IGSF11: variants seen among roughly 807,000 people sequenced by gnomAD.
IGSF11 encodes the protein CXADR like 1.
A neutral mutation model predicts 41.0 loss-of-function variants in IGSF11; 22 were observed. The observed-to-expected ratio is 0.54, with a 90% CI of 0.38 to 0.77. The LOEUF is 0.77. Among genes scored for constraint, IGSF11 ranks in the 30% least tolerant of loss-of-function variants. IGSF11 has a pLI of 0.00. For synonymous variants in IGSF11, 219 were observed against 201.3 expected (o/e 1.09, Z -0.74); for missense variants, 444 against 530.8 (o/e 0.84, Z 1.61).
intron 1 of IGSF11, among the ~76,000 whole-genome samples, chr3:119,128,324 C>T (rs180715234): frequency 2.5e-4 from 38 of 151,534 alleles, no homozygotes; most frequent in African/African-American, 9.2e-4. Flanking sequence ...TGACACTGCA[C>T]TCCAGCCTGG....
intron 1 of IGSF11, among the ~76,000 whole-genome samples, chr3:118,992,106 G>T (rs1356065832): frequency 6.6e-6 from 1 of 152,228 alleles, no homozygotes; most frequent in Non-Finnish European, 1.5e-5. Flanking sequence ...ATGGAAATCA[G>T]TACTTTCCAG....
At chr3:119,034,847 A>C (rs1940793576), upstream of IGSF11, 1 of 1,223,122 alleles carries the variant, frequency 8.2e-7, no homozygotes, top group Admixed American at 4.3e-5. Context: ...CCCCAGGACT[A>C]GCCGACCCCT....
At position 119,004,201 on chromosome 3, in the gene IGSF11, T is replaced by C. The variant is rs1031136003; in HGVS notation, c.52+30330A>G. Reference sequence around the variant, plus strand: ...CCTGGTTTAGTCTTGGGAGAGTGTATGTGTCGAGGAATGTATCCATTTCTT... The same window carrying C: ...CCTGGTTTAGTCTTGGGAGAGTGTACGTGTCGAGGAATGTATCCATTTCTT... On this transcript the variant is annotated intron_variant, in intron 1 of 6. Coordinates refer to ENST00000393775, the MANE Select transcript of IGSF11 (RefSeq NM_001015887.3). Among the ~76,000 whole-genome samples the C allele has an allele frequency of 1.0e-4, 15 of 150,442 alleles. 1 individual carries two copies. Among genetic ancestry groups the C allele is most frequent in the South Asian group, 6.5e-4 (3 of 4,640 alleles).
chr3:119,064,772 T>C (rs1373141148), intron 1 of IGSF11, among the ~76,000 whole-genome samples: 1 of 152,136 alleles, frequency 6.6e-6, no homozygotes, highest in Non-Finnish European at 1.5e-5. Flanking sequence ...GTGACATTCT[T>C]TGATGTAATT....
chr3:118,933,489 T>TATATATATATAC (rs561820742), intron 1 of IGSF11, among the ~76,000 whole-genome samples: 66 of 148,794 alleles, frequency 4.4e-4, no homozygotes, highest in Admixed American at 2.2e-3. Flanking sequence ...TATATATATA[T>TATATATATATAC]ACACACACAC....
chr3:119,045,900 C>G (rs6797112), intron 1 of IGSF11, among the ~76,000 whole-genome samples: 22,948 of 148,848 alleles, frequency 0.15, 538 homozygotes, highest in African/African-American at 0.25. Context: ...ACCTCACACT[C>G]CAGGGTACTC....
chr3:119,114,612 A>T (rs2077230995), intron 1 of IGSF11, among the ~76,000 whole-genome samples: 1 of 152,154 alleles, frequency 6.6e-6, no homozygotes, highest in Non-Finnish European at 1.5e-5. Context: ...TTTCACTATC[A>T]GCATTTTGGT....
intron 1 of IGSF11, among the ~76,000 whole-genome samples, chr3:119,065,739 G>A (rs1385621630): frequency 7.3e-6 from 1 of 136,696 alleles, no homozygotes; most frequent in Non-Finnish European, 1.5e-5. Context: ...GTTGCAGTGA[G>A]CCAACATCGC....
intron 4 of IGSF11, among the ~76,000 whole-genome samples, chr3:118,923,983 G>T (rs1942071252): frequency 6.6e-6 from 1 of 152,040 alleles, no homozygotes; most frequent in South Asian, 2.1e-4. Flanking sequence ...GACATACTTT[G>T]TAACTAAATA....
chr3:119,067,234 C>T (rs141003537), intron 1 of IGSF11, among the ~76,000 whole-genome samples: 1 of 152,306 alleles, frequency 6.6e-6, no homozygotes, highest in East Asian at 1.9e-4. Context: ...TTACCTCAAT[C>T]CAATTACGGA....
intron 1 of IGSF11, among the ~76,000 whole-genome samples, chr3:119,019,859 C>A (rs538683197): frequency 6.6e-6 from 1 of 152,162 alleles, no homozygotes; most frequent in East Asian, 1.9e-4. Context: ...GTTTGTATAC[C>A]CCACAAAATT....
intron 1 of IGSF11, among the ~76,000 whole-genome samples, chr3:119,045,462 G>A (rs1002099992): frequency 6.6e-6 from 1 of 152,206 alleles, no homozygotes; most frequent in Non-Finnish European, 1.5e-5. Context: ...CGCACCATGA[G>A]ATTATATCCC....
At chr3:119,031,084 C>T (rs565967678) in intron 1 of IGSF11, among the ~76,000 whole-genome samples, 132 of 152,108 alleles carry the variant, frequency 8.7e-4, no homozygotes, top group African/African-American at 3.0e-3. Context: ...TGGTGAAACC[C>T]CGTCTCTACT....
upstream of IGSF11, among the ~76,000 whole-genome samples, chr3:119,108,356 A>G (rs1275418753): frequency 7.1e-6 from 1 of 141,658 alleles, no homozygotes; most frequent in Non-Finnish European, 1.5e-5. Flanking sequence ...AGCAATTGTG[A>G]ATGGGAGTTC....
chr3:119,057,342 A>C (rs1429320091), intron 1 of IGSF11, among the ~76,000 whole-genome samples: 1 of 152,178 alleles, frequency 6.6e-6, no homozygotes, highest in Non-Finnish European at 1.5e-5. Flanking sequence ...ACAAACAGAG[A>C]GCCAAATCAT....
intron 1 of IGSF11, among the ~76,000 whole-genome samples, chr3:118,937,277 C>A (rs1402385926): frequency 6.6e-6 from 1 of 152,048 alleles, no homozygotes; most frequent in East Asian, 1.9e-4. Context: ...ATTTATATAA[C>A]CTATCAAATT....
At position 118,928,569 on chromosome 3, in the gene IGSF11, C is replaced by T. The variant is rs754227777; in HGVS notation, c.364G>A (p.Val122Ile). 1.2e-6 allele frequency: 2 copies of T among 1,613,824 alleles called. No individual in the cohort carries two copies. Among genetic ancestry groups the T allele is most frequent in the African/African-American group, 1.3e-5 (1 of 75,034 alleles). ...LSDTGTYQCL[V>I]NNLPDIGGRN... is the part of the protein sequence containing the mutation. ...CCCCCTATGTCTGGAAGGTTGTTGA[C>T]CAGGCACTGGTAGGTGCCAGTGTCT... The change falls in exon 3 of 7, where the codon GTC becomes ATC. Residue 122 changes from valine to isoleucine, a missense_variant. Val to Ile is a conservative substitution (Grantham distance 29). Coordinates refer to ENST00000393775, the MANE Select transcript of IGSF11 (RefSeq NM_001015887.3).
At chr3:119,007,319 G>T (rs376196318) in intron 1 of IGSF11, among the ~76,000 whole-genome samples, 1 of 139,302 alleles carries the variant, frequency 7.2e-6, no homozygotes, top group South Asian at 2.4e-4. Flanking sequence ...GCCCTGCTTC[G>T]GCTCGCGCAC....
chr3:118,973,998 G>A (rs1157812442), intron 1 of IGSF11, among the ~76,000 whole-genome samples: 1 of 152,106 alleles, frequency 6.6e-6, no homozygotes, highest in Non-Finnish European at 1.5e-5. Context: ...TATTGCACGT[G>A]GGGCTTAATG....
Sources: gnomAD v4.1 joint callset for allele counts (sites outside exome capture counted in the v4.1 genomes callset) on GRCh38, gnomAD v4.1.1 for gene constraint, MANE v1.5 for transcripts, NCBI Gene and HGNC (gene_info 2026-07-23, HGNC 2026-07-21) for gene names.